NUP62CL: variants seen among roughly 807,000 people sequenced by gnomAD.
NUP62CL encodes nucleoporin-62 C-terminal-like protein.
A neutral mutation model predicts 15.3 loss-of-function variants in NUP62CL; 13 were observed. The observed-to-expected ratio is 0.85, with a 90% CI of 0.55 to 1.35. NUP62CL has a LOEUF of 1.35. NUP62CL is among the 40% of genes most tolerant of loss of function. The pLI is 0.00. For missense variants in NUP62CL, 123 were observed against 130.6 expected (o/e 0.94, Z 0.28); for synonymous variants, 54 against 49.2 (o/e 1.10, Z -0.41).
intron 2 of NUP62CL, among the ~76,000 whole-genome samples, chrX:107,189,741 C>T (rs1472539837): frequency 9.6e-6 from 1 of 104,393 alleles, no homozygotes; most frequent in Non-Finnish European, 1.9e-5. Context: ...AAGCCATGAT[C>T]GTGCCACTGT....
chrX:107,175,878 G>A (rs1926770002), intron 2 of NUP62CL, among the ~76,000 whole-genome samples: 1 of 111,116 alleles, frequency 9.0e-6, no homozygotes, highest in Admixed American at 9.6e-5. Flanking sequence ...GTATAGCCAA[G>A]AGTTCAGGGG....
Position 107,147,803 on chromosome X carries a change from G to A in NUP62CL, c.537C>T (p.Thr179=). The A allele has an allele frequency of 3.4e-6, 4 of 1,191,115 alleles. No homozygotes were observed. The South Asian group carries it at 7.1e-5, about 21-fold the overall frequency. The change falls in exon 8 of 9, where the codon ACC becomes ACT. Residue 179 remains threonine (T), a synonymous_variant. Coordinates refer to ENST00000372466, the MANE Select transcript of NUP62CL (RefSeq NM_017681.3). ...DADEEHVEIS[T]RSAEF Reference sequence around the variant, plus strand: ...TGGGCATTCAGAATTCTGCAGATCTGGTGGAGCTAAAAATACATATAAGAC... The same window carrying A: ...TGGGCATTCAGAATTCTGCAGATCTAGTGGAGCTAAAAATACATATAAGAC...
rs187392463 is a variant in NUP62CL, at chrX:107,131,877, T to C, written c.*43-7545A>G. Reference sequence around the variant, plus strand: ...TTATATTTGAAGAAAATGTTGAACATGCTGATACAGAAGGCAATAATAAAA... The same window carrying C: ...TTATATTTGAAGAAAATGTTGAACACGCTGATACAGAAGGCAATAATAAAA... On this transcript the variant is annotated intron_variant, in intron 8 of 8. Coordinates refer to ENST00000372466, the MANE Select transcript of NUP62CL (RefSeq NM_017681.3). The C allele has an allele frequency of 2.1e-4, 207 of 1,006,426 alleles. No individual in the cohort carries two copies. The African/African-American group carries it at 3.1e-3, about 15-fold the overall frequency. The allele number at this position is 1,006,426 out of a possible 1,213,427, so 82.9% of individuals were successfully genotyped here.
chrX:107,193,517 C>T (rs1050582475), intron 1 of NUP62CL, among the ~76,000 whole-genome samples: 1 of 111,927 alleles, frequency 8.9e-6, no homozygotes, highest in African/African-American at 3.2e-5. Context: ...CAAACTGCTA[C>T]AGAAGATATG....
At chrX:107,149,034 A>G (rs1925950046) in intron 7 of NUP62CL, among the ~76,000 whole-genome samples, 1 of 111,716 alleles carries the variant, frequency 9.0e-6, no homozygotes, top group Non-Finnish European at 1.9e-5. Flanking sequence ...TCAAACAGCA[A>G]TTACCCTTTA....
intron 8 of NUP62CL, among the ~76,000 whole-genome samples, chrX:107,130,976 C>G (rs1925499785): frequency 9.0e-6 from 1 of 110,547 alleles, no homozygotes; most frequent in Admixed American, 9.6e-5. Flanking sequence ...TAAATCCTCC[C>G]CTCCACCCAT....
intron 2 of NUP62CL, among the ~76,000 whole-genome samples, chrX:107,183,448 G>GA (rs1926964123): frequency 1.8e-5 from 2 of 110,622 alleles, no homozygotes; most frequent in Non-Finnish European, 3.8e-5. Flanking sequence ...TAAAAAAAGA[G>GA]AAAAAAGTAA....
intron 2 of NUP62CL, among the ~76,000 whole-genome samples, chrX:107,185,223 G>A (rs1262278606): frequency 1.3e-5 from 1 of 79,871 alleles, no homozygotes; most frequent in Non-Finnish European, 2.2e-5. Context: ...AAAAAAAAAT[G>A]GCTGAAGGAA....
chrX:107,174,152 CTT>C (rs1427020795), intron 3 of NUP62CL, among the ~76,000 whole-genome samples: 13 of 68,685 alleles, frequency 1.9e-4, no homozygotes, highest in Admixed American at 2.0e-4. Flanking sequence ...TCTTCCTTTC[CTT>C]TTTTTTTTTT....
chrX:107,151,028 AT>A (rs778261299), intron 7 of NUP62CL: 8 of 325,169 alleles, frequency 2.5e-5, no homozygotes, highest in African/African-American at 2.1e-4. Flanking sequence ...ACCTATTGTT[AT>A]TGATATATAA....
chrX:107,193,065 T>C lies in NUP62CL; in HGVS notation c.-84A>G, dbSNP rs1376424848. ...CTCCAAAATTAAACCTGCTGATGACTCCAAACCCTAAAAAAGGATAAGAGA... is the reference window on the plus strand; with the variant it reads ...CTCCAAAATTAAACCTGCTGATGACCCCAAACCCTAAAAAAGGATAAGAGA... On this transcript the variant is annotated 5_prime_UTR_variant, in exon 2 of 9. Coordinates refer to ENST00000372466, the MANE Select transcript of NUP62CL (RefSeq NM_017681.3). The C allele has an allele frequency of 9.0e-6, 1 of 111,016 alleles. No individual in the cohort carries two copies. The highest frequency in any genetic ancestry group is 1.9e-5 in the Non-Finnish European group (1 of 52,997). 9.1% of individuals were successfully genotyped at this position (111,016 alleles called of 1,213,427 possible).
chrX:107,168,692 C>T (rs1342902718), intron 3 of NUP62CL, among the ~76,000 whole-genome samples: 1 of 112,530 alleles, frequency 8.9e-6, no homozygotes, highest in Non-Finnish European at 1.9e-5. Flanking sequence ...TCTGCATTTT[C>T]AAATGTTCTT....
chrX:107,203,684 GA>G (rs931703378), intron 1 of NUP62CL, among the ~76,000 whole-genome samples: 5 of 109,933 alleles, frequency 4.5e-5, no homozygotes, highest in African/African-American at 3.3e-5. Flanking sequence ...TCACAACACA[GA>G]AAAAAATTTC....
Position 107,157,030 on chromosome X carries a change from A to G in NUP62CL, c.195-2784T>C, listed in dbSNP as rs1324197213. Among the ~76,000 whole-genome samples the G allele has an allele frequency of 5.5e-3, 537 of 98,061 alleles. 4 individuals are homozygous for G. The highest frequency in any genetic ancestry group is 0.02 in the African/African-American group (515 of 26,250). The allele number at this position is 98,061 out of a possible 115,157, so 85.2% of individuals were successfully genotyped here. A position where few individuals can be genotyped will look rare whatever the true frequency, so the allele number is the denominator to read the frequency against. On this transcript the variant is annotated intron_variant, in intron 4 of 8. Transcript: ENST00000372466. ...ATCAACTGGAAGAAAGGGTATCAGC[A>G]ATGGAAGATGAAATGAATGAAATGA... is the stretch of plus-strand genomic sequence containing the variant.
At chrX:107,148,585 A>C (rs192932199) in intron 7 of NUP62CL, among the ~76,000 whole-genome samples, 77 of 112,017 alleles carry the variant, frequency 6.9e-4, no homozygotes, top group African/African-American at 2.4e-3. Flanking sequence ...AGTACTCTTT[A>C]ATACAAAAGA....
chrX:107,152,155 T>TATATATATTCAG (rs1926057893), intron 7 of NUP62CL, among the ~76,000 whole-genome samples: 19 of 68,707 alleles, frequency 2.8e-4, no homozygotes, highest in African/African-American at 1.1e-3. Flanking sequence ...TATTCAGATA[T>TATATATATTCAG]ATATATATAT....
intron 4 of NUP62CL, among the ~76,000 whole-genome samples, chrX:107,157,779 C>T (rs1248088499): frequency 5.4e-5 from 6 of 111,277 alleles, no homozygotes; most frequent in Non-Finnish European, 1.9e-5. Context: ...CACATAACAA[C>T]ACTAACTTTA....
At chrX:107,189,828 G>GGGAAGGAAGGAAGGAA (rs147140354) in intron 2 of NUP62CL, among the ~76,000 whole-genome samples, 14 of 53,748 alleles carry the variant, frequency 2.6e-4, no homozygotes, top group African/African-American at 9.2e-4. Context: ...GAAAGAAGGA[G>GGGAAGGAAGGAAGGAA]GGAAGGAAGG....
intron 3 of NUP62CL, among the ~76,000 whole-genome samples, chrX:107,168,726 T>G: frequency 8.9e-6 from 1 of 112,691 alleles, no homozygotes; most frequent in African/African-American, 3.2e-5. Flanking sequence ...GCTGCTTCTG[T>G]AACAAGAAAT....
Sources: gnomAD v4.1 joint callset for allele counts (sites outside exome capture counted in the v4.1 genomes callset) on GRCh38, gnomAD v4.1.1 for gene constraint, MANE v1.5 for transcripts, NCBI Gene and HGNC (gene_info 2026-07-23, HGNC 2026-07-21) for gene names.